NPAS3: variants seen among roughly 807,000 people sequenced by gnomAD.
NPAS3 encodes the protein neuronal PAS domain protein 3.
Under a neutral mutation model 73.1 loss-of-function variants are expected in NPAS3, and 14 were observed. That is an observed-to-expected ratio of 0.19 (90% CI 0.13 to 0.30). The LOEUF (loss-of-function observed/expected upper bound fraction) is 0.30, where lower values mean the gene tolerates loss of function less well. Ranked by LOEUF, NPAS3 falls within the 10% of genes least tolerant of loss-of-function variation. The pLI is 1.00. For missense variants in NPAS3, 1,096 were observed against 1,250.0 expected (o/e 0.88, Z 1.86); for synonymous variants, 620 against 541.5 (o/e 1.14, Z -2.01).
chr14:33,637,947 C>T (rs2140166750), intron 5 of NPAS3, among the ~76,000 whole-genome samples: 1 of 152,268 alleles, frequency 6.6e-6, no homozygotes, highest in South Asian at 2.1e-4. Context: ...AGGCTGTGTT[C>T]CCTCATGCCA....
At chr14:33,559,376 T>C (rs188153486) in intron 4 of NPAS3, among the ~76,000 whole-genome samples, 11 of 152,344 alleles carry the variant, frequency 7.2e-5, no homozygotes, top group African/African-American at 2.6e-4. Context: ...AGCAAATTGT[T>C]GATGTTCATA....
chr14:33,532,593 C>T (rs999750397), intron 4 of NPAS3, among the ~76,000 whole-genome samples: 3 of 152,052 alleles, frequency 2.0e-5, no homozygotes, highest in African/African-American at 7.2e-5. Context: ...ACCCAGACCT[C>T]CCTGACTCTG....
chr14:33,678,111 T>A (rs928497266), intron 6 of NPAS3, among the ~76,000 whole-genome samples: 2 of 152,150 alleles, frequency 1.3e-5, no homozygotes, highest in Non-Finnish European at 2.9e-5. Flanking sequence ...TGAAAGGATC[T>A]TCATGATCCT....
At chr14:32,939,306 A>T (rs375341089), upstream of NPAS3, 15 of 737,254 alleles carry the variant, frequency 2.0e-5, no homozygotes, top group African/African-American at 2.2e-4. Flanking sequence ...AGGAAAAAAA[A>T]TAGCAGGAAG....
At chr14:33,667,701 A>C (rs2059492034) in intron 5 of NPAS3, among the ~76,000 whole-genome samples, 1 of 152,120 alleles carries the variant, frequency 6.6e-6, no homozygotes, top group South Asian at 2.1e-4. Flanking sequence ...CCTTTTTCTT[A>C]TGGTAATTCA....
chr14:33,246,823 A>T (rs746211896), intron 3 of NPAS3, among the ~76,000 whole-genome samples: 3 of 128,760 alleles, frequency 2.3e-5, no homozygotes, highest in Non-Finnish European at 4.8e-5. Flanking sequence ...GTGAAACCTC[A>T]TCTCTATTAA....
chr14:33,331,093 C>T (rs1311995553), intron 3 of NPAS3, among the ~76,000 whole-genome samples: 3 of 152,064 alleles, frequency 2.0e-5, no homozygotes, highest in Non-Finnish European at 4.4e-5. Context: ...TTTATAATAA[C>T]GTTTTATATG....
rs575239856 is a variant in NPAS3 at position 33,290,807 on chromosome 14, C to T, written c.385+75381C>T. 5.3e-5 allele frequency among the ~76,000 whole-genome samples: 8 copies of T among 152,310 alleles called. No individual in the cohort carries two copies. The South Asian group carries it at 8.3e-4, about 16-fold the overall frequency. ...TTTGTGGGAACTTGATATTTCTGCT[C>T]CAGGCACCAGAGAATAGAACTCGGC... On this transcript the variant is annotated intron_variant, in intron 3 of 11. Transcript: ENST00000356141.
intron 4 of NPAS3, among the ~76,000 whole-genome samples, chr14:33,539,204 T>C (rs1595112172): frequency 6.6e-6 from 1 of 152,182 alleles, no homozygotes; most frequent in South Asian, 2.1e-4. Context: ...CCAACCTTGC[T>C]GCTCTGCTGG....
At chr14:33,769,355 G>A (rs191731249) in intron 7 of NPAS3, among the ~76,000 whole-genome samples, 1 of 152,314 alleles carries the variant, frequency 6.6e-6, no homozygotes, top group African/African-American at 2.4e-5. Context: ...TGTTCACAGG[G>A]AAATCATCTT....
intron 5 of NPAS3, among the ~76,000 whole-genome samples, chr14:33,674,047 C>T (rs974477149): frequency 5.3e-5 from 8 of 152,106 alleles, no homozygotes; most frequent in Non-Finnish European, 7.4e-5. Context: ...AAGTCCTCAC[C>T]GTGCCCTAGT....
At chr14:33,192,773 A>T (rs2046216809) in intron 2 of NPAS3, among the ~76,000 whole-genome samples, 1 of 152,228 alleles carries the variant, frequency 6.6e-6, no homozygotes, top group African/African-American at 2.4e-5. Flanking sequence ...CACTCTTCAC[A>T]TGGTGATTGC....
At chr14:33,479,641 G>C (rs1181096092) in intron 4 of NPAS3, among the ~76,000 whole-genome samples, 1 of 152,162 alleles carries the variant, frequency 6.6e-6, no homozygotes, top group Non-Finnish European at 1.5e-5. Flanking sequence ...AGCATCAAAA[G>C]AACACCGACA....
At chr14:33,384,383 CTGTG>C (rs71118542) in intron 4 of NPAS3, among the ~76,000 whole-genome samples, 5 of 149,986 alleles carry the variant, frequency 3.3e-5, no homozygotes, top group African/African-American at 7.4e-5. Flanking sequence ...TTTAATGTTT[CTGTG>C]TGTGTGTGTG....
chr14:33,536,238 G>A (rs372089048), intron 4 of NPAS3, among the ~76,000 whole-genome samples: 2 of 152,146 alleles, frequency 1.3e-5, no homozygotes, highest in South Asian at 2.1e-4. Context: ...CTCTGTTGAG[G>A]TTATGATATG....
intron 6 of NPAS3, among the ~76,000 whole-genome samples, chr14:33,712,343 A>G (rs1412209974): frequency 6.6e-6 from 1 of 152,178 alleles, no homozygotes; most frequent in Non-Finnish European, 1.5e-5. Flanking sequence ...ATAATAACAC[A>G]CACGCATTCA....
rs544191605 is a variant in NPAS3, at chr14:33,478,708, C to T, written c.469-81413C>T. Among the ~76,000 whole-genome samples the T allele has an allele frequency of 2.0e-5, 3 of 152,124 alleles. No individual in the cohort carries two copies. The South Asian group carries it at 6.2e-4, about 32-fold the overall frequency. On this transcript the variant is annotated intron_variant, in intron 4 of 11. Transcript: ENST00000356141. Reference sequence around the variant, plus strand: ...GACTACTATTAATGATCTTGAATAGCCCTGTAATCTCATGAACTAAAACTT... The same window carrying T: ...GACTACTATTAATGATCTTGAATAGTCCTGTAATCTCATGAACTAAAACTT...
chr14:33,643,397 A>ACC (rs1199312106), intron 5 of NPAS3, among the ~76,000 whole-genome samples: 2 of 129,390 alleles, frequency 1.5e-5, no homozygotes, highest in Non-Finnish European at 3.5e-5. Flanking sequence ...AAAAAAAAAA[A>ACC]ACGAGAGAGA....
intron 3 of NPAS3, among the ~76,000 whole-genome samples, chr14:33,271,843 T>C (rs1446385867): frequency 6.6e-6 from 1 of 152,140 alleles, no homozygotes; most frequent in African/African-American, 2.4e-5. Flanking sequence ...TTAGTTATAT[T>C]CCTTATTAAT....
Sources: gnomAD v4.1 joint callset for allele counts (sites outside exome capture counted in the v4.1 genomes callset) on GRCh38, gnomAD v4.1.1 for gene constraint, MANE v1.5 for transcripts, NCBI Gene and HGNC (gene_info 2026-07-23, HGNC 2026-07-21) for gene names.